ROR1: variants seen among roughly 807,000 people sequenced by gnomAD.
ROR1 encodes ROR family WNT receptor 1.
Under a neutral mutation model 78.8 loss-of-function variants are expected in ROR1, and 19 were observed. The observed-to-expected ratio is 0.24, with a 90% confidence interval of 0.17 to 0.35. ROR1 has a LOEUF of 0.35. ROR1 is among the 10% of genes least tolerant of loss of function. The pLI, the probability that ROR1 is intolerant of heterozygous loss-of-function variation, is 1.00. For missense variants in ROR1, 917 were observed against 1,177.8 expected, an observed-to-expected ratio of 0.78 and a Z score of 3.24; for synonymous variants, 386 against 433.6, an observed-to-expected ratio of 0.89 and a Z score of 1.36.
chr1:64,166,269 G>T (rs2100736208), intron 8 of ROR1, among the ~76,000 whole-genome samples: 1 of 152,268 alleles, frequency 6.6e-6, no homozygotes, highest in Middle Eastern at 3.4e-3. Context: ...GGTTACTGTA[G>T]CCCTGTAGTA....
intron 2 of ROR1, among the ~76,000 whole-genome samples, chr1:64,012,115 T>A (rs1239244953): frequency 6.6e-6 from 1 of 152,142 alleles, no homozygotes; most frequent in Non-Finnish European, 1.5e-5. Flanking sequence ...AGTACAATGA[T>A]CTTTGAGGAG....
At chr1:63,915,762 T>G (rs898018547) in intron 1 of ROR1, among the ~76,000 whole-genome samples, 1 of 151,638 alleles carries the variant, frequency 6.6e-6, no homozygotes, top group Non-Finnish European at 1.5e-5. Flanking sequence ...TGGCAGGGGG[T>G]GGGGTGGGGT....
chr1:63,949,618 C>G (rs1361197673), intron 1 of ROR1, among the ~76,000 whole-genome samples: 1 of 152,152 alleles, frequency 6.6e-6, no homozygotes, highest in African/African-American at 2.4e-5. Flanking sequence ...CAGGAGCTGG[C>G]CCACATTCAC....
chr1:64,045,166 A>G (rs185159528), intron 2 of ROR1, among the ~76,000 whole-genome samples: 13 of 152,310 alleles, frequency 8.5e-5, no homozygotes, highest in Non-Finnish European at 1.5e-5. Flanking sequence ...TGTAGTATCA[A>G]AGAAGAATAT....
intron 1 of ROR1, among the ~76,000 whole-genome samples, chr1:63,968,595 C>T (rs947360624): frequency 3.3e-5 from 5 of 152,118 alleles, no homozygotes; most frequent in East Asian, 3.9e-4. Context: ...TTCTTCACTG[C>T]GTGGGAAATA....
At chr1:64,003,880 A>G (rs1350938647) in intron 1 of ROR1, among the ~76,000 whole-genome samples, 1 of 152,208 alleles carries the variant, frequency 6.6e-6, no homozygotes, top group Non-Finnish European at 1.5e-5. Flanking sequence ...CTGAAAACCA[A>G]CAGTCTCAAA....
intron 4 of ROR1, among the ~76,000 whole-genome samples, chr1:64,097,561 A>G (rs1337654571): frequency 8.1e-6 from 1 of 122,722 alleles, no homozygotes; most frequent in Non-Finnish European, 1.6e-5. Context: ...ATACATATAT[A>G]CATATTTCAT....
intron 1 of ROR1, among the ~76,000 whole-genome samples, chr1:63,962,579 T>G (rs1322306588): frequency 1.3e-5 from 2 of 152,098 alleles, no homozygotes; most frequent in Admixed American, 6.5e-5. Flanking sequence ...CTGGAGTTGG[T>G]GATGATTTAA....
chr1:64,073,849 C>T (rs1372720636), intron 4 of ROR1, among the ~76,000 whole-genome samples: 1 of 152,184 alleles, frequency 6.6e-6, no homozygotes, highest in African/African-American at 2.4e-5. Flanking sequence ...AAAAAATCCC[C>T]TGTGGCATTA....
In ROR1 at chr1:64,130,812, T is replaced by C. The variant is rs1473098738; in HGVS notation, c.483-6557T>C. Among the ~76,000 whole-genome samples, 6 of 152,330 alleles carry C rather than the reference T, an allele frequency of 3.9e-5. No homozygotes were observed. In the South Asian group the frequency reaches 8.3e-4, roughly 21 times the overall value. ...TCCTTAATTTTATAATGTAGCCCCA[T>C]TTTTATTAAAAGCCAGGGCTAATTT... On this transcript the variant is annotated intron_variant, in intron 4 of 8. Coordinates refer to ENST00000371079, the MANE Select transcript of ROR1 (RefSeq NM_005012.4).
chr1:63,975,374 T>G (rs1243595266), intron 1 of ROR1, among the ~76,000 whole-genome samples: 1 of 152,166 alleles, frequency 6.6e-6, no homozygotes, highest in Admixed American at 6.6e-5. Context: ...GATTAAGTTA[T>G]GTCTATTTCT....
chr1:64,082,709 A>T (rs908421951), intron 4 of ROR1, among the ~76,000 whole-genome samples: 19 of 152,242 alleles, frequency 1.2e-4, no homozygotes, highest in Non-Finnish European at 2.6e-4. Context: ...GTAAGTAGGC[A>T]GTCCTTGCAC....
chr1:63,869,864 G>T lies in ROR1; in HGVS notation c.91+95356G>T, dbSNP rs139614073. Among the ~76,000 whole-genome samples the T allele has an allele frequency of 1.8e-4, 27 of 152,258 alleles. No individual in the cohort carries two copies. The East Asian group carries it at 5.0e-3, about 28-fold the overall frequency. On this transcript the variant is annotated intron_variant, in intron 1 of 8. Transcript: ENST00000371079. ...ATAGTTTCTTTAGACAGAGACAGAG[G>T]TAAGTAAGTAACCTCACATAAGTAT...
Position 64,168,626 on chromosome 1 carries a change from G to A in ROR1, c.1387-8802G>A, listed in dbSNP as rs914025315. Among the ~76,000 whole-genome samples, 13 of 152,156 alleles carry A rather than the reference G, an allele frequency of 8.5e-5. No individual in the cohort carries two copies. The South Asian group carries it at 2.3e-3, about 27-fold the overall frequency. On this transcript the variant is annotated intron_variant, in intron 8 of 8. Coordinates refer to ENST00000371079, the MANE Select transcript of ROR1 (RefSeq NM_005012.4). Reference sequence around the variant, plus strand: ...TGATTGGCTCTAATTGAAACTAAAGGAAACTGGTGATATGGCCCAAGCTAT... The same window carrying A: ...TGATTGGCTCTAATTGAAACTAAAGAAAACTGGTGATATGGCCCAAGCTAT...
intron 4 of ROR1, among the ~76,000 whole-genome samples, chr1:64,063,972 C>T (rs1190130900): frequency 1.3e-5 from 2 of 152,192 alleles, no homozygotes; most frequent in Admixed American, 6.5e-5. Context: ...TCTCTCTGCC[C>T]CAGCACCATA....
Position 63,944,744 on chromosome 1 carries a change from A to G in ROR1, c.92-64561A>G, listed in dbSNP as rs534589165. Among the ~76,000 whole-genome samples the G allele has an allele frequency of 2.0e-5, 3 of 152,332 alleles. No individual in the cohort carries two copies. In the East Asian group the frequency reaches 5.8e-4, roughly 29 times the overall value. ...CATGGGATGAGGGTGCTCTGGATGC[A>G]GAGTCAGGAGACCTGGCTTCTCACC... On this transcript the variant is annotated intron_variant, in intron 1 of 8. Coordinates refer to ENST00000371079, the MANE Select transcript of ROR1 (RefSeq NM_005012.4).
chr1:63,940,498 C>CAGACAGACAGACAGACAGAT (rs1230477303), intron 1 of ROR1, among the ~76,000 whole-genome samples: 15 of 75,138 alleles, frequency 2.0e-4, no homozygotes, highest in African/African-American at 4.7e-4. Context: ...GATAGACAGA[C>CAGACAGACAGACAGACAGAT]AGATAGATAG....
At chr1:64,127,297 G>A (rs1648743341) in intron 4 of ROR1, among the ~76,000 whole-genome samples, 1 of 152,148 alleles carries the variant, frequency 6.6e-6, no homozygotes, top group Non-Finnish European at 1.5e-5. Context: ...AAGCTTTTGG[G>A]AAAGAGACTT....
intron 1 of ROR1, among the ~76,000 whole-genome samples, chr1:63,960,155 C>T (rs1646016585): frequency 1.3e-5 from 2 of 152,182 alleles, no homozygotes; most frequent in Admixed American, 1.3e-4. Context: ...CAACCTCTTA[C>T]ATCTAAAAGA....
Sources: gnomAD v4.1 joint callset for allele counts (sites outside exome capture counted in the v4.1 genomes callset) on GRCh38, gnomAD v4.1.1 for gene constraint, MANE v1.5 for transcripts, NCBI Gene and HGNC (gene_info 2026-07-23, HGNC 2026-07-21) for gene names.